The following SETBP1 variants were observed in gnomAD, a reference collection of about 807,000 sequenced individuals.
SETBP1 encodes the protein SET-binding protein.
SETBP1 carries 9 observed loss-of-function variants against 101.0 expected under a neutral mutation model. The ratio of observed to expected loss-of-function variants is 0.09; its 90% CI spans 0.05 to 0.16. The LOEUF (loss-of-function observed/expected upper bound fraction) is 0.16. Ranked by LOEUF, SETBP1 falls within the 10% of genes least tolerant of loss-of-function variation. The pLI is 1.00. For missense variants in SETBP1, 1,858 were observed against 2,033.8 expected (o/e 0.91, Z 1.66); for synonymous variants, 818 against 788.5 (o/e 1.04, Z -0.63).
intron 3 of SETBP1, among the ~76,000 whole-genome samples, chr18:44,923,996 C>T (rs896034686): frequency 1.6e-4 from 24 of 152,066 alleles, no homozygotes; most frequent in African/African-American, 5.8e-4. Context: ...CCAGGGAGAC[C>T]CACACTCCAG....
intron 4 of SETBP1, among the ~76,000 whole-genome samples, chr18:44,992,685 A>G (rs1397179438): frequency 6.6e-6 from 1 of 152,060 alleles, no homozygotes; most frequent in Non-Finnish European, 1.5e-5. Context: ...TTTCCCTTTA[A>G]TCATTAAATA....
intron 3 of SETBP1, among the ~76,000 whole-genome samples, chr18:44,897,463 G>A (rs777433778): frequency 9.2e-5 from 14 of 152,152 alleles, no homozygotes; most frequent in Non-Finnish European, 1.8e-4. Context: ...GGGCTGATGA[G>A]AAGGTGTGTT....
chr18:45,056,570 G>A (rs921179471), intron 5 of SETBP1, among the ~76,000 whole-genome samples: 1 of 152,248 alleles, frequency 6.6e-6, no homozygotes, highest in African/African-American at 2.4e-5. Context: ...TTCCTCTGGA[G>A]GGAATGTGCA....
intron 4 of SETBP1, among the ~76,000 whole-genome samples, chr18:45,032,872 T>C (rs964379379): frequency 1.3e-5 from 2 of 152,178 alleles, no homozygotes; most frequent in Non-Finnish European, 2.9e-5. Context: ...AAAAGTGCTT[T>C]AGGCTCTTTC....
intron 2 of SETBP1, among the ~76,000 whole-genome samples, chr18:44,749,047 C>T (rs887663585): frequency 1.3e-5 from 2 of 152,122 alleles, no homozygotes; most frequent in African/African-American, 4.8e-5. Context: ...ATGAGAGGGG[C>T]AAGCTTAAGG....
chr18:45,043,199 T>G (rs1255635219), intron 5 of SETBP1, among the ~76,000 whole-genome samples: 1 of 152,170 alleles, frequency 6.6e-6, no homozygotes, highest in Non-Finnish European at 1.5e-5. Context: ...CAGAAACATG[T>G]TTTTTCCCCT....
At chr18:44,844,889 A>G (rs953492432) in intron 2 of SETBP1, among the ~76,000 whole-genome samples, 2 of 152,218 alleles carry the variant, frequency 1.3e-5, no homozygotes, top group African/African-American at 4.8e-5. Context: ...AGGCCGGTAG[A>G]CAAGAGTCTA....
At chr18:45,024,934 C>A (rs1198305157) in intron 4 of SETBP1, among the ~76,000 whole-genome samples, 1 of 152,256 alleles carries the variant, frequency 6.6e-6, no homozygotes, top group African/African-American at 2.4e-5. Context: ...ATTTCCAAAT[C>A]TCATTTACAT....
chr18:44,709,027 A>G (rs2069284243), intron 2 of SETBP1, among the ~76,000 whole-genome samples: 1 of 152,208 alleles, frequency 6.6e-6, no homozygotes, highest in Non-Finnish European at 1.5e-5. Flanking sequence ...GTGGTGATTT[A>G]CCAAACTCGT....
chr18:44,719,069 T>C (rs1204439723), intron 2 of SETBP1, among the ~76,000 whole-genome samples: 1 of 152,206 alleles, frequency 6.6e-6, no homozygotes, highest in African/African-American at 2.4e-5. Flanking sequence ...ATATTTAATC[T>C]ATGGGATGTC....
intron 3 of SETBP1, among the ~76,000 whole-genome samples, chr18:44,899,660 G>A (rs2069992870): frequency 6.6e-6 from 1 of 152,106 alleles, no homozygotes; most frequent in South Asian, 2.1e-4. Context: ...CTTAATCTTT[G>A]AACAAGGGGC....
intron 1 of SETBP1, among the ~76,000 whole-genome samples, chr18:44,695,472 CCT>C (rs1332333161): frequency 6.6e-6 from 1 of 152,188 alleles, no homozygotes; most frequent in Non-Finnish European, 1.5e-5. Context: ...ATCAGGCCAG[CCT>C]CTGTTTTCCC....
rs1344235721 is a variant in SETBP1 at position 44,903,902 on chromosome 18, G to A, written c.540+34619G>A. Among the ~76,000 whole-genome samples the A allele has an allele frequency of 3.9e-5, 6 of 152,122 alleles. No individual in the cohort carries two copies. In the East Asian group the frequency reaches 1.2e-3, roughly 29 times the overall value. On this transcript the variant is annotated intron_variant, in intron 3 of 5. Transcript: ENST00000649279. Reference sequence around the variant, plus strand: ...TGTATTGCTCATTTGATAGTCTGATGTTGTTATTTAATAATTGACATCTTA... The same window carrying A: ...TGTATTGCTCATTTGATAGTCTGATATTGTTATTTAATAATTGACATCTTA...
chr18:44,704,354 C>A (rs1390845580), intron 2 of SETBP1, among the ~76,000 whole-genome samples: 1 of 152,142 alleles, frequency 6.6e-6, no homozygotes, highest in Non-Finnish European at 1.5e-5. Flanking sequence ...ATTTTTATGC[C>A]TCAGCAACTG....
chr18:44,952,166 G>A lies in SETBP1; in HGVS notation c.2826G>A (p.Arg942=), dbSNP rs2071372276. Residue 942 remains arginine, a synonymous_variant, in exon 4 of 6, where the codon CGG becomes CGA. Transcript: ENST00000649279. The part of the protein sequence containing the change: ...SLKKPKHKRK[R]KSLQNRDDLQ... The stretch of plus-strand genomic sequence containing the variant: ...AGAAGCCAAAGCACAAGAGGAAACG[G>A]AAAAGCCTGCAAAACCGCGATGACC... 6.2e-7 allele frequency: 1 copy of A among 1,613,982 alleles called. No individual in the cohort carries two copies. The highest frequency in any genetic ancestry group is 1.3e-5 in the African/African-American group (1 of 74,882).
chr18:44,746,496 A>G (rs2070250464), intron 2 of SETBP1, among the ~76,000 whole-genome samples: 1 of 152,218 alleles, frequency 6.6e-6, no homozygotes, highest in Admixed American at 6.5e-5. Context: ...GGTGGTAAGA[A>G]AAGTAGGATG....
At chr18:44,870,815 T>C (rs977740945) in intron 3 of SETBP1, 1 of 152,234 alleles carries the variant, frequency 6.6e-6, no homozygotes, top group Non-Finnish European at 1.5e-5. Flanking sequence ...GTTGTGTGTG[T>C]GCGCGTGGTT....
At chr18:44,805,240 T>TAAATAATA (rs1423481508) in intron 2 of SETBP1, among the ~76,000 whole-genome samples, 1 of 152,120 alleles carries the variant, frequency 6.6e-6, no homozygotes, top group Non-Finnish European at 1.5e-5. Context: ...TCCAAGTAAT[T>TAAATAATA]AAATAATAAA....
At position 45,034,265 on chromosome 18, in the gene SETBP1, C is replaced by T. The variant is rs115139522; in HGVS notation, c.4001-4220C>T. ...GCTTTGGTCTCTGACCTTTTCGCAT[C>T]CTGGGGCAGTCAATAACCTGGCCGC... On this transcript the variant is annotated intron_variant, in intron 4 of 5. Coordinates refer to ENST00000649279, the MANE Select transcript of SETBP1 (RefSeq NM_015559.3). Among the ~76,000 whole-genome samples, 594 of 152,292 alleles carry T rather than the reference C, an allele frequency of 3.9e-3. 3 individuals are homozygous for T. Among genetic ancestry groups the T allele is most frequent in the African/African-American group, 0.013 (557 of 41,570 alleles).
Sources: gnomAD v4.1 joint callset for allele counts (sites outside exome capture counted in the v4.1 genomes callset) on GRCh38, gnomAD v4.1.1 for gene constraint, MANE v1.5 for transcripts, NCBI Gene and HGNC (gene_info 2026-07-23, HGNC 2026-07-21) for gene names.